The following CSMD1 variants were observed in gnomAD, a reference collection of about 807,000 sequenced individuals.
CSMD1 encodes the protein CUB and sushi domain-containing protein 1.
In CSMD1, 213 loss-of-function variants were observed where a neutral mutation model predicts 417.5. That is an observed-to-expected ratio of 0.51 (90% CI 0.46 to 0.57). CSMD1 has a LOEUF of 0.57. CSMD1 is among the 20% of genes least tolerant of loss of function. The pLI, the probability that CSMD1 is intolerant of heterozygous loss-of-function variation, is 0.00. For synonymous variants in CSMD1, 2,862 were observed against 1,736.8 expected, an observed-to-expected ratio of 1.65 and a Z score of -16.11; for missense variants, 6,923 against 4,529.7, an observed-to-expected ratio of 1.53 and a Z score of -15.17.
At chr8:3,105,169 A>C (rs557258517) in intron 46 of CSMD1, among the ~76,000 whole-genome samples, 34 of 152,236 alleles carry the variant, frequency 2.2e-4, no homozygotes, top group Non-Finnish European at 4.1e-4. Flanking sequence ...GAGTCTTTAC[A>C]ACAATCTCAA....
At chr8:3,857,747 C>A (rs143960993) in intron 5 of CSMD1, among the ~76,000 whole-genome samples, 246 of 152,246 alleles carry the variant, frequency 1.6e-3, no homozygotes, top group African/African-American at 5.7e-3. Flanking sequence ...TTTGACAGAG[C>A]TTCTATAGGT....
At chr8:4,754,393 AGT>A (rs1180379952) in intron 1 of CSMD1, among the ~76,000 whole-genome samples, 1 of 151,956 alleles carries the variant, frequency 6.6e-6, no homozygotes, top group Non-Finnish European at 1.5e-5. Context: ...ATTGATCTGT[AGT>A]GTCATATCCC....
At chr8:4,066,491 T>C (rs928046728) in intron 3 of CSMD1, among the ~76,000 whole-genome samples, 31 of 152,194 alleles carry the variant, frequency 2.0e-4, no homozygotes, top group African/African-American at 7.0e-4. Flanking sequence ...AATTAATCTA[T>C]TGACTTGATA....
intron 1 of CSMD1, among the ~76,000 whole-genome samples, chr8:4,940,297 G>C (rs1175787756): frequency 6.6e-6 from 1 of 152,190 alleles, no homozygotes; most frequent in East Asian, 1.9e-4. Flanking sequence ...AGAGTAAAAT[G>C]ATATGGCTTC....
intron 2 of CSMD1, among the ~76,000 whole-genome samples, chr8:4,439,158 G>A (rs1798318598): frequency 6.6e-6 from 1 of 152,076 alleles, no homozygotes; most frequent in South Asian, 2.1e-4. Flanking sequence ...CTGTGGTAAA[G>A]ATTATTTCAA....
intron 2 of CSMD1, among the ~76,000 whole-genome samples, chr8:4,573,870 G>T (rs765521846): frequency 2.6e-5 from 4 of 152,190 alleles, no homozygotes; most frequent in Non-Finnish European, 4.4e-5. Context: ...GCTTTGCCGT[G>T]CAGTGGTGCG....
intron 5 of CSMD1, among the ~76,000 whole-genome samples, chr8:3,769,310 ATT>A (rs1330468945): frequency 6.6e-6 from 1 of 152,098 alleles, no homozygotes; most frequent in African/African-American, 2.4e-5. Flanking sequence ...AGTTAAAATC[ATT>A]TTGAGAAAAA....
intron 5 of CSMD1, among the ~76,000 whole-genome samples, chr8:3,871,992 C>T (rs1805511795): frequency 3.9e-5 from 6 of 152,140 alleles, no homozygotes; most frequent in Admixed American, 3.3e-4. Flanking sequence ...GCACTATTTC[C>T]TATGCAATGG....
At chr8:3,115,125 T>G (rs1192604187) in intron 42 of CSMD1, among the ~76,000 whole-genome samples, 1 of 152,130 alleles carries the variant, frequency 6.6e-6, no homozygotes, top group East Asian at 1.9e-4. Context: ...GAATGCATAT[T>G]TAATTAGAAA....
intron 3 of CSMD1, among the ~76,000 whole-genome samples, chr8:4,191,584 G>T (rs1450594349): frequency 2.0e-5 from 3 of 151,984 alleles, no homozygotes; most frequent in Non-Finnish European, 4.4e-5. Flanking sequence ...ATGAATCACT[G>T]TTCTTCAGCT....
At chr8:4,613,460 A>C (rs1801298655) in intron 2 of CSMD1, among the ~76,000 whole-genome samples, 1 of 152,118 alleles carries the variant, frequency 6.6e-6, no homozygotes, top group African/African-American at 2.4e-5. Flanking sequence ...AGTTTGCTGC[A>C]CCTGTTCACC....
At position 2,949,217 on chromosome 8, in the gene CSMD1, C is replaced by A. The variant is rs568026243; in HGVS notation, c.10402+82G>T. On this transcript the variant is annotated intron_variant, in intron 68 of 69. Coordinates refer to ENST00000635120, the MANE Select transcript of CSMD1 (RefSeq NM_033225.6). ...TTTTTGTTTAGGTTTCTTTTAGAGT[C>A]GTCTTTTCCATTTCTTCTTAGAAAC... 9.4e-6 allele frequency: 7 copies of A among 742,820 alleles called. No homozygotes were observed. In the Admixed American group the frequency reaches 1.4e-4, roughly 15 times the overall value. The allele number at this position is 742,820 out of a possible 1,614,324, so 46.0% of individuals were successfully genotyped here. A position where few individuals can be genotyped will look rare whatever the true frequency, so the allele number is the denominator to read the frequency against.
intron 1 of CSMD1, among the ~76,000 whole-genome samples, chr8:4,795,252 C>CTTTT (rs571984359): frequency 4.3e-5 from 2 of 46,226 alleles, no homozygotes; most frequent in Non-Finnish European, 8.3e-5. Flanking sequence ...GGTGTCATAG[C>CTTTT]TTTTTTTTTT....
At chr8:4,908,972 C>G (rs1053167006) in intron 1 of CSMD1, among the ~76,000 whole-genome samples, 3 of 152,202 alleles carry the variant, frequency 2.0e-5, no homozygotes, top group Non-Finnish European at 2.9e-5. Context: ...CTTTAGCATG[C>G]CCCGTGCTTT....
chr8:4,714,322 C>G (rs1054428196), intron 1 of CSMD1, among the ~76,000 whole-genome samples: 1 of 152,096 alleles, frequency 6.6e-6, no homozygotes, highest in Admixed American at 6.6e-5. Flanking sequence ...CTAGACCTTT[C>G]TCACACTTGC....
rs575582116 is a variant in CSMD1, at chr8:4,084,919, A to G, written c.416-52820T>C. Among the ~76,000 whole-genome samples, 12 of 148,642 alleles carry G rather than the reference A, an allele frequency of 8.1e-5. No individual in the cohort carries two copies. The South Asian group carries it at 1.0e-3, about 13-fold the overall frequency. ...AAAAGAAAAAACAAAAACAAAAACA[A>G]AACTACAAAAATTGGTAATTTGGGA... On this transcript the variant is annotated intron_variant, in intron 3 of 69. Transcript: ENST00000635120.
chr8:3,818,383 T>G (rs1391084830), intron 5 of CSMD1, among the ~76,000 whole-genome samples: 1 of 152,180 alleles, frequency 6.6e-6, no homozygotes, highest in Non-Finnish European at 1.5e-5. Context: ...TGTTTACTCT[T>G]GGAGGGAAAT....
At chr8:4,655,237 G>C (rs1306285040) in intron 1 of CSMD1, among the ~76,000 whole-genome samples, 1 of 151,848 alleles carries the variant, frequency 6.6e-6, no homozygotes, top group Non-Finnish European at 1.5e-5. Flanking sequence ...ATCTTACCTT[G>C]GTTGCTAAAA....
At chr8:4,932,678 G>A (rs55883787) in intron 1 of CSMD1, among the ~76,000 whole-genome samples, 10,052 of 152,206 alleles carry the variant, frequency 0.066, 424 homozygotes, top group Non-Finnish European at 0.078. Flanking sequence ...AGGAATGAAT[G>A]ACACAGTAAA....
Sources: allele counts gnomAD v4.1 joint callset (sites outside exome capture counted in the v4.1 genomes callset), GRCh38; gene constraint gnomAD v4.1.1; transcripts MANE v1.5; gene names NCBI Gene and HGNC (gene_info 2026-07-23, HGNC 2026-07-21).